The following CTNND2 variants were observed in gnomAD, a reference collection of about 807,000 sequenced individuals.
CTNND2 encodes the protein catenin delta 2, also known as catenin delta-2.
Under a neutral mutation model 144.4 loss-of-function variants are expected in CTNND2, and 22 were observed. The ratio of observed to expected loss-of-function variants is 0.15; its 90% confidence interval spans 0.11 to 0.22. CTNND2 has a LOEUF of 0.22. Among genes scored for constraint, CTNND2 ranks in the 10% least tolerant of loss-of-function variants. The pLI, the probability that CTNND2 is intolerant of heterozygous loss-of-function variation, is 1.00. For missense variants in CTNND2, 1,353 were observed against 1,618.8 expected, an observed-to-expected ratio of 0.84 and a Z score of 2.82; for synonymous variants, 751 against 695.6, an observed-to-expected ratio of 1.08 and a Z score of -1.25.
chr5:11,831,666 CAAAAAAA>C (rs61030048), intron 1 of CTNND2, among the ~76,000 whole-genome samples: 1 of 99,182 alleles, frequency 1.0e-5, no homozygotes, highest in African/African-American at 3.2e-5. Flanking sequence ...GACTCTGTAT[CAAAAAAA>C]AAAAAAAAAG....
At chr5:11,801,141 G>A (rs147923993) in intron 1 of CTNND2, among the ~76,000 whole-genome samples, 160 of 152,202 alleles carry the variant, frequency 1.1e-3, no homozygotes, top group African/African-American at 3.3e-3. Flanking sequence ...CTCTTTTGTC[G>A]TTGTTGTTCT....
rs1173087701 is a variant in CTNND2 at position 11,503,834 on chromosome 5, AAAG to A, written c.287+61107_287+61109del. Among the ~76,000 whole-genome samples, 6 of 152,374 alleles carry A rather than the reference AAAG, an allele frequency of 3.9e-5. No homozygotes were observed. In the East Asian group the frequency reaches 5.8e-4, roughly 15 times the overall value. Reference sequence around the variant, plus strand: ...TTATGGAACAAAACAAGGATGTTATAAAGAAGAAGATGTAGCAGAAAACATCTA... The same window carrying A: ...TTATGGAACAAAACAAGGATGTTATAAAGAAGATGTAGCAGAAAACATCTA... On this transcript the variant is annotated intron_variant, in intron 3 of 21. Coordinates refer to ENST00000304623, the MANE Select transcript of CTNND2 (RefSeq NM_001332.4).
chr5:11,241,930 T>G (rs1428166420), intron 9 of CTNND2, among the ~76,000 whole-genome samples: 9 of 125,170 alleles, frequency 7.2e-5, no homozygotes, highest in East Asian at 4.6e-4. Context: ...TCACCGGGGG[T>G]GGGGGGTCGG....
At chr5:11,584,063 C>T (rs1372563339) in intron 2 of CTNND2, among the ~76,000 whole-genome samples, 1 of 152,198 alleles carries the variant, frequency 6.6e-6, no homozygotes, top group Non-Finnish European at 1.5e-5. Context: ...AATTTAATTA[C>T]ATTTAACATT....
chr5:11,169,898 CTT>C (rs61751824), intron 11 of CTNND2, among the ~76,000 whole-genome samples: 9 of 152,216 alleles, frequency 5.9e-5, no homozygotes, highest in African/African-American at 2.2e-4. Context: ...AGAGCAACAG[CTT>C]TTTCACAGAG....
At chr5:11,366,718 T>A (rs17802039) in intron 7 of CTNND2, among the ~76,000 whole-genome samples, 68,292 of 151,682 alleles carry the variant, frequency 0.45, 15,775 homozygotes, top group Admixed American at 0.56. Context: ...AATGCAGAGA[T>A]AAATAAAAGT....
At chr5:11,023,123 T>C (rs901118501) in intron 16 of CTNND2, 144 bp from the exon 17 acceptor site, 1 of 693,278 alleles carries the variant, frequency 1.4e-6, no homozygotes, top group Non-Finnish European at 2.5e-6. Flanking sequence ...ATGTTCCCTA[T>C]TGGGTAGTTT....
intron 1 of CTNND2, among the ~76,000 whole-genome samples, chr5:11,830,303 A>G (rs1793825366): frequency 6.6e-6 from 1 of 152,164 alleles, no homozygotes; most frequent in Admixed American, 6.5e-5. Context: ...GGGAGGGGCC[A>G]GGGGCAGAAT....
chr5:11,017,978 T>C lies in CTNND2; in HGVS notation c.3080A>G (p.Lys1027Arg), dbSNP rs1393114663. ...WQYRDLRSLY[K>R]KDGWSQYHFV... ...CCCAGGTGAAGCCAGCCTTACCTTTTTGTAGAGACTCCTCAGATCTCGGTA... is the reference window on the plus strand; with the variant it reads ...CCCAGGTGAAGCCAGCCTTACCTTTCTGTAGAGACTCCTCAGATCTCGGTA... Residue 1027 changes from lysine (K) to arginine (R), a missense_variant, in exon 18 of 22, where the codon AAA (lysine) becomes AGA (arginine). Around this residue, in one of 4 missense-constraint regions of CTNND2, gnomAD observed 459 missense variants for 674.3 expected, o/e 0.68. Transcript: ENST00000304623. The C allele has an allele frequency of 1.2e-6, 2 of 1,613,044 alleles. No individual in the cohort carries two copies. Among genetic ancestry groups the C allele is most frequent in the Non-Finnish European group, 1.7e-6 (2 of 1,179,198 alleles).
intron 2 of CTNND2, among the ~76,000 whole-genome samples, chr5:11,566,076 A>C (rs1046179228): frequency 6.6e-6 from 1 of 152,154 alleles, no homozygotes; most frequent in Non-Finnish European, 1.5e-5. Flanking sequence ...ATAAGATTTT[A>C]TTTACTTGCT....
At chr5:11,090,850 A>C (rs940056224) in intron 15 of CTNND2, among the ~76,000 whole-genome samples, 2 of 150,612 alleles carry the variant, frequency 1.3e-5, no homozygotes, top group South Asian at 4.2e-4. Context: ...CTGTCTTCTC[A>C]CTGGCGTTGT....
chr5:11,525,676 C>T (rs1038772324), intron 3 of CTNND2, among the ~76,000 whole-genome samples: 7 of 152,166 alleles, frequency 4.6e-5, no homozygotes, highest in African/African-American at 1.7e-4. Context: ...TGTGTGTCTT[C>T]CCATTCTCCC....
intron 16 of CTNND2, among the ~76,000 whole-genome samples, chr5:11,079,009 C>T (rs10513068): frequency 0.19 from 28,708 of 152,082 alleles, 3,306 homozygotes; most frequent in Middle Eastern, 0.29. Flanking sequence ...GGCTGAAGAG[C>T]TGCAAATATT....
chr5:11,764,668 T>C (rs1789477832), intron 1 of CTNND2, among the ~76,000 whole-genome samples: 1 of 152,180 alleles, frequency 6.6e-6, no homozygotes, highest in Non-Finnish European at 1.5e-5. Flanking sequence ...CAGTGGTTTC[T>C]TCAACTTGTA....
intron 3 of CTNND2, among the ~76,000 whole-genome samples, chr5:11,528,103 C>A: frequency 6.6e-6 from 1 of 152,164 alleles, no homozygotes; most frequent in East Asian, 1.9e-4. Flanking sequence ...CAATCAATGT[C>A]ATTTTCACAA....
intron 10 of CTNND2, among the ~76,000 whole-genome samples, chr5:11,230,768 A>T (rs549418751): frequency 1.6e-4 from 24 of 152,158 alleles, no homozygotes; most frequent in Non-Finnish European, 2.5e-4. Context: ...ACTACTGCCT[A>T]TGTGACTACA....
rs1486644132 is a variant in CTNND2 at position 11,903,854 on chromosome 5, G to T, written c.-1C>A. The T allele has an allele frequency of 6.8e-7, 1 of 1,480,044 alleles. No individual in the cohort carries two copies. The highest frequency in any genetic ancestry group is 8.9e-7 in the Non-Finnish European group (1 of 1,121,234). 91.7% of individuals were successfully genotyped at this position (1,480,044 alleles called of 1,614,324 possible). On this transcript the variant is annotated 5_prime_UTR_variant, in exon 1 of 22. Coordinates refer to ENST00000304623, the MANE Select transcript of CTNND2 (RefSeq NM_001332.4). This position sits in a 1 kb window ranked among gnomAD's most constrained non-coding sequence, Gnocchi z 5.4. ...CGCCCGGCGGCTTCCTCGCAAACAT[G>T]CACCCTCCGCCGGCGACAGCTCCTC...
At chr5:11,822,598 TAA>T (rs1188442463) in intron 1 of CTNND2, among the ~76,000 whole-genome samples, 2 of 152,004 alleles carry the variant, frequency 1.3e-5, no homozygotes, top group African/African-American at 2.4e-5. Context: ...TTACCACAAA[TAA>T]GTTATAAAAT....
intron 11 of CTNND2, among the ~76,000 whole-genome samples, chr5:11,198,361 A>T (rs1737084303): frequency 6.6e-6 from 1 of 152,218 alleles, no homozygotes; most frequent in Admixed American, 6.5e-5. Flanking sequence ...ATCTAGTTCT[A>T]ATACAACCAA....
Sources: gnomAD v4.1 joint callset for allele counts (sites outside exome capture counted in the v4.1 genomes callset) on GRCh38, gnomAD v4.1.1 for gene constraint, gnomAD v4.1.1 regional missense constraint, Gnocchi (gnomAD v3.1) non-coding constraint, MANE v1.5 for transcripts, NCBI Gene and HGNC (gene_info 2026-07-23, HGNC 2026-07-21) for gene names.